FOXP1: variants seen among roughly 807,000 people sequenced by gnomAD.
The protein encoded by FOXP1 is forkhead box P1.
In FOXP1, 15 loss-of-function variants were observed where a neutral mutation model predicts 98.2. The ratio of observed to expected loss-of-function variants is 0.15; its 90% CI spans 0.10 to 0.24. FOXP1 has a LOEUF of 0.24. FOXP1 is among the 10% of genes least tolerant of loss of function. The pLI is 1.00. For synonymous variants in FOXP1, 371 were observed against 314.5 expected, an observed-to-expected ratio of 1.18 and a Z score of -1.90; for missense variants, 633 against 848.5, an observed-to-expected ratio of 0.75 and a Z score of 3.15.
chr3:71,091,996 T>G (rs947770428), intron 7 of FOXP1, among the ~76,000 whole-genome samples: 1 of 152,244 alleles, frequency 6.6e-6, no homozygotes, highest in African/African-American at 2.4e-5. Flanking sequence ...GAGACCAGCC[T>G]GGCCAACATG....
At chr3:71,292,197 A>G (rs915758498) in intron 5 of FOXP1, among the ~76,000 whole-genome samples, 5 of 152,218 alleles carry the variant, frequency 3.3e-5, no homozygotes, top group African/African-American at 1.2e-4. Context: ...AAAGGGAAAC[A>G]GACCAACCTC....
chr3:71,217,502 T>C (rs1419714576), intron 5 of FOXP1, among the ~76,000 whole-genome samples: 1 of 152,194 alleles, frequency 6.6e-6, no homozygotes, highest in African/African-American at 2.4e-5. Context: ...TTCTACTTCA[T>C]AAATACTACC....
intron 6 of FOXP1, among the ~76,000 whole-genome samples, chr3:71,135,944 A>G (rs2059803969): frequency 6.6e-6 from 1 of 152,154 alleles, no homozygotes; most frequent in Non-Finnish European, 1.5e-5. Context: ...CTCCCTTTGG[A>G]GAAAGAAAAT....
chr3:71,167,237 G>A (rs182398375), intron 6 of FOXP1, among the ~76,000 whole-genome samples: 4 of 152,218 alleles, frequency 2.6e-5, no homozygotes, highest in Admixed American at 6.5e-5. Context: ...TTTTATATAC[G>A]AAGGCGGTGA....
intron 3 of FOXP1, among the ~76,000 whole-genome samples, chr3:71,454,411 G>A (rs944331633): frequency 6.6e-6 from 1 of 152,172 alleles, no homozygotes; most frequent in African/African-American, 2.4e-5. Flanking sequence ...CACAGAGAGA[G>A]ACAGGTGTTC....
intron 6 of FOXP1, among the ~76,000 whole-genome samples, chr3:71,127,193 C>G (rs2059271207): frequency 6.6e-6 from 1 of 152,058 alleles, no homozygotes; most frequent in African/African-American, 2.4e-5. Flanking sequence ...GAAGGAGGCC[C>G]ACGGCACTCC....
At chr3:71,295,175 T>C (rs2073159196) in intron 5 of FOXP1, among the ~76,000 whole-genome samples, 1 of 152,178 alleles carries the variant, frequency 6.6e-6, no homozygotes. Context: ...TGCGGTCATC[T>C]GGTAACTCAG....
chr3:71,277,505 C>T (rs1273019849), intron 5 of FOXP1, among the ~76,000 whole-genome samples: 1 of 152,100 alleles, frequency 6.6e-6, no homozygotes, highest in Non-Finnish European at 1.5e-5. Context: ...TGTCCACTAT[C>T]GACACCACAG....
chr3:71,474,961 G>A (rs908808609), intron 3 of FOXP1, among the ~76,000 whole-genome samples: 1 of 151,992 alleles, frequency 6.6e-6, no homozygotes, highest in African/African-American at 2.4e-5. Context: ...TACAGGCCCT[G>A]CCCACTGAAG....
chr3:71,060,023 AAAG>A lies in FOXP1; in HGVS notation c.283-6253_283-6251del, dbSNP rs1303893348. Among the ~76,000 whole-genome samples the A allele has an allele frequency of 2.6e-5, 4 of 152,316 alleles. No homozygotes were observed. The East Asian group carries it at 5.8e-4, about 22-fold the overall frequency. The stretch of plus-strand genomic sequence containing the variant: ...AAAACATAATGTCTATCTTCTGTCT[AAAG>A]AAGATTTTTCTAACACTAAGAATTA... On this transcript the variant is annotated intron_variant, in intron 7 of 20. Coordinates refer to ENST00000649528, the MANE Select transcript of FOXP1 (RefSeq NM_001349338.3).
At chr3:71,146,575 A>T (rs1057295154) in intron 6 of FOXP1, among the ~76,000 whole-genome samples, 8 of 152,170 alleles carry the variant, frequency 5.3e-5, no homozygotes, top group Non-Finnish European at 1.0e-4. Flanking sequence ...AAAAGAGAGG[A>T]TTATAATAAT....
intron 6 of FOXP1, among the ~76,000 whole-genome samples, chr3:71,114,159 A>G (rs1354207291): frequency 6.6e-6 from 1 of 152,246 alleles, no homozygotes; most frequent in African/African-American, 2.4e-5. Context: ...ATAGCCTTAG[A>G]AAGTTAGCAT....
intron 11 of FOXP1, among the ~76,000 whole-genome samples, chr3:71,039,116 A>G (rs2047994112): frequency 6.6e-6 from 1 of 152,072 alleles, no homozygotes; most frequent in South Asian, 2.1e-4. Context: ...ACTAGATAAT[A>G]CAAACTGAGA....
intron 6 of FOXP1, among the ~76,000 whole-genome samples, chr3:71,135,059 G>T (rs1316906468): frequency 6.6e-6 from 1 of 151,974 alleles, no homozygotes; most frequent in East Asian, 1.9e-4. Context: ...AAGAGATCGA[G>T]ACCATCCTGG....
chr3:71,190,403 G>A (rs755767659), intron 6 of FOXP1, among the ~76,000 whole-genome samples: 1 of 151,660 alleles, frequency 6.6e-6, no homozygotes, highest in Non-Finnish European at 1.5e-5. Context: ...TTGAGCCCAG[G>A]AGTTCAAGAC....
At chr3:71,538,766 G>A (rs36118531) in intron 2 of FOXP1, among the ~76,000 whole-genome samples, 5,509 of 152,244 alleles carry the variant, frequency 0.036, 180 homozygotes, top group Non-Finnish European at 0.05. Flanking sequence ...CCTTATCCAT[G>A]GTCATGAAGA....
Position 70,956,704 on chromosome 3 carries a change from C to CCTGCACATCATGAAG in FOXP1, c.*2528_*2542dup. 1 of 177,244 alleles carries CCTGCACATCATGAAG rather than the reference C, an allele frequency of 5.6e-6. No homozygotes were observed. The highest frequency in any genetic ancestry group is 9.1e-5 in the East Asian group (1 of 11,026). 11.0% of individuals were successfully genotyped at this position (177,244 alleles called of 1,614,324 possible). On this transcript the variant is annotated 3_prime_UTR_variant, in exon 21 of 21. Transcript: ENST00000649528. The stretch of plus-strand genomic sequence containing the variant: ...TTCCCATGACCCTGTCTGGCTACTG[C>CCTGCACATCATGAAG]CTGCACATCATGAAGCTGCCTGGAA...
At chr3:71,361,438 T>G (rs1337412102) in intron 3 of FOXP1, among the ~76,000 whole-genome samples, 5 of 152,144 alleles carry the variant, frequency 3.3e-5, no homozygotes, top group Admixed American at 2.6e-4. Flanking sequence ...GGCAATGCAA[T>G]TGGAAAACTT....
At chr3:71,159,220 C>T (rs186844757) in intron 6 of FOXP1, among the ~76,000 whole-genome samples, 1 of 151,570 alleles carries the variant, frequency 6.6e-6, no homozygotes, top group Admixed American at 6.6e-5. Context: ...CCTGATTTCA[C>T]GTTTTTAGAA....
Sources: gnomAD v4.1 joint callset for allele counts (sites outside exome capture counted in the v4.1 genomes callset) on GRCh38, gnomAD v4.1.1 for gene constraint, MANE v1.5 for transcripts, NCBI Gene and HGNC (gene_info 2026-07-23, HGNC 2026-07-21) for gene names.